Variants in CSMD3 observed in about 807,000 individuals in gnomAD.
CSMD3 encodes CUB and Sushi multiple domains 3, also known as CUB and sushi domain-containing protein 3.
Under a neutral mutation model 435.2 loss-of-function variants are expected in CSMD3, and 177 were observed. That is an observed-to-expected ratio of 0.41 (90% CI 0.36 to 0.46). The LOEUF (loss-of-function observed/expected upper bound fraction) is 0.46, where lower values mean the gene tolerates loss of function less well. Among genes scored for constraint, CSMD3 ranks in the 20% least tolerant of loss-of-function variants. The pLI is 0.34. For synonymous variants in CSMD3, 1,656 were observed against 1,520.5 expected, an observed-to-expected ratio of 1.09 and a Z score of -2.07; for missense variants, 4,265 against 4,504.6, an observed-to-expected ratio of 0.95 and a Z score of 1.52.
At chr8:112,946,842 T>C (rs1408633353) in intron 9 of CSMD3, among the ~76,000 whole-genome samples, 1 of 151,684 alleles carries the variant, frequency 6.6e-6, no homozygotes, top group Non-Finnish European at 1.5e-5. Flanking sequence ...TTATTGTTTT[T>C]CACTCCAAGT....
chr8:112,229,031 C>T lies in CSMD3; in HGVS notation c.10829-140G>A, dbSNP rs1254897533. ...GTAAACAAAAATAATTCATGAAACT[C>T]CTTCAACTCATTTCACATATGTTTG... On this transcript the variant is annotated intron_variant, in intron 69 of 70. Coordinates refer to ENST00000297405, the MANE Select transcript of CSMD3 (RefSeq NM_198123.2). The T allele has an allele frequency of 1.1e-5, 7 of 622,124 alleles. No homozygotes were observed. The Admixed American group carries it at 1.1e-4, about 10-fold the overall frequency. 38.5% of individuals were successfully genotyped at this position (622,124 alleles called of 1,614,324 possible). A position where few individuals can be genotyped will look rare whatever the true frequency, so the allele number is the denominator to read the frequency against.
intron 5 of CSMD3, among the ~76,000 whole-genome samples, chr8:113,053,239 C>T (rs1271767271): frequency 6.6e-6 from 1 of 152,118 alleles, no homozygotes; most frequent in East Asian, 1.9e-4. Flanking sequence ...TTTGTTCTTC[C>T]TAGCTACAGA....
chr8:113,162,954 C>T (rs1204830782), intron 4 of CSMD3, among the ~76,000 whole-genome samples: 3 of 152,064 alleles, frequency 2.0e-5, no homozygotes, highest in Non-Finnish European at 4.4e-5. Context: ...TTGTATCTTT[C>T]TTAGAAGATG....
chr8:112,732,236 A>G (rs1288637279), intron 13 of CSMD3, among the ~76,000 whole-genome samples: 1 of 152,146 alleles, frequency 6.6e-6, no homozygotes, highest in Non-Finnish European at 1.5e-5. Context: ...CAAGATGCTA[A>G]GGAAGTAAAC....
intron 38 of CSMD3, 140 bp downstream of exon 38, chr8:112,380,208 GAAGT>G (rs1299807058): frequency 1.8e-5 from 10 of 564,422 alleles, no homozygotes; most frequent in Admixed American, 3.1e-5. Context: ...CAATTGAACT[GAAGT>G]AATAGTTCAA....
intron 12 of CSMD3, among the ~76,000 whole-genome samples, chr8:112,814,636 A>G (rs927010754): frequency 4.6e-5 from 7 of 152,090 alleles, no homozygotes; most frequent in African/African-American, 1.7e-4. Context: ...CAGAAAAATT[A>G]GTCCAGCATG....
intron 1 of CSMD3, among the ~76,000 whole-genome samples, chr8:113,390,498 C>A (rs1308004766): frequency 6.6e-6 from 1 of 151,766 alleles, no homozygotes; most frequent in Non-Finnish European, 1.5e-5. Flanking sequence ...GAGTACATCA[C>A]ATTTTTAATT....
chr8:112,939,402 G>T (rs1159244375), intron 9 of CSMD3, among the ~76,000 whole-genome samples: 3 of 152,004 alleles, frequency 2.0e-5, no homozygotes, highest in Non-Finnish European at 4.4e-5. Context: ...ACTTCACTAG[G>T]CAAGTTCATG....
At chr8:112,381,843 C>T (rs993386878) in intron 37 of CSMD3, among the ~76,000 whole-genome samples, 1 of 152,162 alleles carries the variant, frequency 6.6e-6, no homozygotes, top group African/African-American at 2.4e-5. Context: ...TCTCTCTAAG[C>T]CTCAATTACC....
At chr8:112,352,710 T>G (rs1445434247) in intron 38 of CSMD3, among the ~76,000 whole-genome samples, 176 bp from the exon 39 acceptor site, 1 of 152,176 alleles carries the variant, frequency 6.6e-6, no homozygotes, top group African/African-American at 2.4e-5. Flanking sequence ...TAATGCACAT[T>G]TGAACATCAT....
intron 4 of CSMD3, among the ~76,000 whole-genome samples, chr8:113,133,506 G>C (rs1281152868): frequency 2.0e-5 from 3 of 152,186 alleles, no homozygotes; most frequent in South Asian, 4.2e-4. Flanking sequence ...CAACTTATGT[G>C]GAAAATAGAA....
intron 40 of CSMD3, among the ~76,000 whole-genome samples, chr8:112,348,309 A>G (rs1364922066): frequency 6.6e-6 from 1 of 152,334 alleles, no homozygotes; most frequent in East Asian, 1.9e-4. Flanking sequence ...AGTCTTCCAA[A>G]ATAAAATCAA....
intron 32 of CSMD3, 56 bp from the exon 33 acceptor site, chr8:112,409,088 A>G (rs1180121542): frequency 1.2e-5 from 19 of 1,610,846 alleles, no homozygotes; most frequent in Non-Finnish European, 1.6e-5. Context: ...AAAAACGAAA[A>G]CAAAAAACAA....
chr8:112,825,743 T>C (rs2079658780), intron 12 of CSMD3, among the ~76,000 whole-genome samples: 1 of 152,130 alleles, frequency 6.6e-6, no homozygotes, highest in Non-Finnish European at 1.5e-5. Context: ...GGGGCACCTA[T>C]CTGATGCCAG....
At chr8:112,653,741 C>A (rs1490617718) in intron 18 of CSMD3, among the ~76,000 whole-genome samples, 2 of 148,808 alleles carry the variant, frequency 1.3e-5, no homozygotes, top group African/African-American at 5.0e-5. Context: ...CTCACTGCAA[C>A]CTCCACCTCC....
chr8:112,913,465 T>C (rs1003023634), intron 10 of CSMD3, among the ~76,000 whole-genome samples: 1 of 151,850 alleles, frequency 6.6e-6, no homozygotes, highest in African/African-American at 2.4e-5. Context: ...CCACAACAGG[T>C]CTGTGCTGGG....
chr8:113,283,487 A>C (rs1318771148), intron 2 of CSMD3, among the ~76,000 whole-genome samples: 1 of 152,154 alleles, frequency 6.6e-6, no homozygotes, highest in Admixed American at 6.6e-5. Flanking sequence ...AATACTCAAC[A>C]TCACTAATGA....
intron 53 of CSMD3, 134 bp from the exon 54 acceptor site, chr8:112,296,140 T>A (rs1455043174): frequency 5.6e-6 from 4 of 716,832 alleles, no homozygotes; most frequent in Non-Finnish European, 9.5e-6. Context: ...TATAACTATA[T>A]GACATAAAGG....
intron 58 of CSMD3, among the ~76,000 whole-genome samples, chr8:112,284,028 A>G (rs1446896886): frequency 6.6e-6 from 1 of 151,834 alleles, no homozygotes; most frequent in East Asian, 1.9e-4. Context: ...AAAATTATGT[A>G]TCAATAAAAA....
Sources: allele counts gnomAD v4.1 joint callset (sites outside exome capture counted in the v4.1 genomes callset), GRCh38; gene constraint gnomAD v4.1.1; transcripts MANE v1.5; gene names NCBI Gene and HGNC (gene_info 2026-07-23, HGNC 2026-07-21).